TRPM6: variants seen among roughly 807,000 people sequenced by gnomAD.
The protein encoded by TRPM6 is channel kinase 2.
In TRPM6, 111 loss-of-function variants were observed where a neutral mutation model predicts 247.6. The observed-to-expected ratio is 0.45, with a 90% confidence interval of 0.38 to 0.52. The LOEUF (loss-of-function observed/expected upper bound fraction) is 0.52, where lower values mean the gene tolerates loss of function less well. Among genes scored for constraint, TRPM6 ranks in the 20% least tolerant of loss-of-function variants. TRPM6 has a pLI of 0.00. For missense variants in TRPM6, 2,126 were observed against 2,421.5 expected, an observed-to-expected ratio of 0.88 and a Z score of 2.56; for synonymous variants, 892 against 853.8, an observed-to-expected ratio of 1.04 and a Z score of -0.78.
chr9:74,761,846 G>C (rs752140400), intron 26 of TRPM6, 38 bp from the exon 27 acceptor site: 4 of 1,532,044 alleles, frequency 2.6e-6, no homozygotes, highest in Non-Finnish European at 2.7e-6. Context: ...GTTGACAACA[G>C]TAAGTGGGGA....
intron 7 of TRPM6, among the ~76,000 whole-genome samples, chr9:74,824,157 A>C (rs1410550377): frequency 1.4e-5 from 2 of 144,822 alleles, no homozygotes; most frequent in Admixed American, 6.8e-5. Context: ...TGTTAGGTAC[A>C]CTTTTTTTTT....
chr9:74,760,398 TA>T (rs1255478259), intron 27 of TRPM6, among the ~76,000 whole-genome samples: 6 of 152,216 alleles, frequency 3.9e-5, no homozygotes, highest in Admixed American at 3.9e-4. Flanking sequence ...TACAAGTTTA[TA>T]GCCTAGGAGC....
intron 14 of TRPM6, among the ~76,000 whole-genome samples, chr9:74,805,999 A>AATTATTC (rs1266907523): frequency 2.6e-5 from 4 of 152,108 alleles, no homozygotes; most frequent in Non-Finnish European, 4.4e-5. Flanking sequence ...TATATTAAGG[A>AATTATTC]ATTATTCATT....
rs202180717 is a variant in TRPM6, at chr9:74,776,905, T to G, written c.3210-829A>C. Among the ~76,000 whole-genome samples the G allele has an allele frequency of 5.9e-5, 9 of 152,322 alleles. No individual in the cohort carries two copies. In the East Asian group the frequency reaches 1.3e-3, roughly 23 times the overall value. On this transcript the variant is annotated intron_variant, in intron 23 of 38. Transcript: ENST00000360774. ...AAATTTTAGTTTATTTAGAGAAAGA[T>G]AGCAGAGTAGAACTGGAGGAAGGCA...
intron 5 of TRPM6, among the ~76,000 whole-genome samples, chr9:74,836,243 G>T (rs922297425): frequency 2.0e-5 from 3 of 152,110 alleles, no homozygotes; most frequent in Admixed American, 2.0e-4. Context: ...TTTGAGATTG[G>T]CTTGATCTGA....
rs530027981 is a variant in TRPM6 at position 74,734,564 on chromosome 9, C to T, written c.5777-1828G>A. ...AATTGTGAATAATAATGGGCCTAAT[C>T]TTACAGGGTTACTGGGAGGATTAAA... On this transcript the variant is annotated intron_variant, in intron 36 of 38. Coordinates refer to ENST00000360774, the MANE Select transcript of TRPM6 (RefSeq NM_017662.5). Among the ~76,000 whole-genome samples the T allele has an allele frequency of 4.6e-5, 7 of 152,208 alleles. No individual in the cohort carries two copies. In the South Asian group the frequency reaches 1.5e-3, roughly 32 times the overall value.
At chr9:74,873,625 C>T (rs1449630181) in intron 1 of TRPM6, among the ~76,000 whole-genome samples, 1 of 152,148 alleles carries the variant, frequency 6.6e-6, no homozygotes, top group Non-Finnish European at 1.5e-5. Context: ...AGACTCTTTT[C>T]TAAGAGATTT....
intron 1 of TRPM6, among the ~76,000 whole-genome samples, chr9:74,886,175 T>A (rs1281894938): frequency 6.6e-6 from 1 of 152,150 alleles, no homozygotes; most frequent in Admixed American, 6.5e-5. Flanking sequence ...AGTTTAACAC[T>A]ACCAAAGGGT....
Position 74,809,979 on chromosome 9 carries a change from A to G in TRPM6, c.1497+836T>C, listed in dbSNP as rs796655896. Among the ~76,000 whole-genome samples the G allele has an allele frequency of 2.9e-4, 38 of 129,008 alleles. 1 individual carries two copies. Among genetic ancestry groups the G allele is most frequent in the African/African-American group, 1.3e-3 (34 of 25,424 alleles). The allele number at this position is 129,008 out of a possible 152,430, so 84.6% of individuals were successfully genotyped here. ...GGGCAAGAGCAAAACTCCATCTCAA[A>G]AAAAAAAAAAAAAAAAAAAAAAACA... On this transcript the variant is annotated intron_variant, in intron 13 of 38. Transcript: ENST00000360774.
chr9:74,827,293 A>G (rs545889446), intron 7 of TRPM6: 2 of 155,130 alleles, frequency 1.3e-5, no homozygotes, highest in South Asian at 1.9e-4. Flanking sequence ...TCATCCCCCA[A>G]ACATTTCTTC....
chr9:74,810,198 A>G (rs569516474), intron 13 of TRPM6, among the ~76,000 whole-genome samples: 3 of 152,292 alleles, frequency 2.0e-5, no homozygotes, highest in Admixed American at 2.0e-4. Context: ...GTCACTGGTA[A>G]TGGAAAGAAA....
chr9:74,849,425 C>T (rs540043016), intron 3 of TRPM6, among the ~76,000 whole-genome samples: 1 of 151,022 alleles, frequency 6.6e-6, no homozygotes, highest in Admixed American at 6.6e-5. Flanking sequence ...GAAATGATGT[C>T]CTTAGAAGAA....
intron 32 of TRPM6, 134 bp downstream of exon 32, chr9:74,743,961 C>T: frequency 1.2e-6 from 1 of 851,810 alleles, no homozygotes; most frequent in South Asian, 1.5e-5. Flanking sequence ...AATGTTCTTC[C>T]CATCAAAGTG....
intron 8 of TRPM6, among the ~76,000 whole-genome samples, chr9:74,821,362 G>A (rs775880573): frequency 6.6e-6 from 1 of 152,086 alleles, no homozygotes; most frequent in African/African-American, 2.4e-5. Context: ...AGGTCCTTAC[G>A]GCTGTAATGG....
intron 36 of TRPM6, among the ~76,000 whole-genome samples, chr9:74,735,069 A>C (rs1036091624): frequency 3.3e-5 from 5 of 151,856 alleles, no homozygotes; most frequent in Non-Finnish European, 5.9e-5. Context: ...CAAATACAAA[A>C]ATTAGCCAGG....
At chr9:74,800,659 A>T (rs1204137524) in intron 16 of TRPM6, among the ~76,000 whole-genome samples, 177 bp from the exon 17 acceptor site, 1 of 151,376 alleles carries the variant, frequency 6.6e-6, no homozygotes, top group Non-Finnish European at 1.5e-5. Flanking sequence ...ACAGCAACTT[A>T]ATAATCTTAG....
chr9:74,871,854 CT>C (rs796954772), intron 1 of TRPM6, among the ~76,000 whole-genome samples: 568 of 140,462 alleles, frequency 4.0e-3, no homozygotes, highest in Middle Eastern at 0.014. Flanking sequence ...TCAGTAGTAA[CT>C]TTTTTTTTTT....
chr9:74,851,772 A>ATTATAT (rs1407962653), intron 3 of TRPM6, among the ~76,000 whole-genome samples: 1 of 141,794 alleles, frequency 7.1e-6, no homozygotes, highest in Non-Finnish European at 1.5e-5. Context: ...AAATATATAT[A>ATTATAT]TATAATACAT....
At chr9:74,880,243 A>C (rs1035848196) in intron 1 of TRPM6, among the ~76,000 whole-genome samples, 1 of 152,168 alleles carries the variant, frequency 6.6e-6, no homozygotes, top group Non-Finnish European at 1.5e-5. Flanking sequence ...GGTGCTCTGG[A>C]AGGTGAAGAG....
Sources: gnomAD v4.1 joint callset for allele counts (sites outside exome capture counted in the v4.1 genomes callset) on GRCh38, gnomAD v4.1.1 for gene constraint, MANE v1.5 for transcripts, NCBI Gene and HGNC (gene_info 2026-07-23, HGNC 2026-07-21) for gene names.